SDCCAG8: variants seen among roughly 807,000 people sequenced by gnomAD.
SDCCAG8 encodes the protein SHH signaling and ciliogenesis regulator SDCCAG8.
A neutral mutation model predicts 101.8 loss-of-function variants in SDCCAG8; 74 were observed. That is an observed-to-expected ratio of 0.73 (90% CI 0.60 to 0.88). The LOEUF is 0.88. SDCCAG8 is among the 40% of genes least tolerant of loss of function. The pLI, the probability that SDCCAG8 is intolerant of heterozygous loss-of-function variation, is 0.00. For missense variants in SDCCAG8, 787 were observed against 822.6 expected (o/e 0.96, Z 0.53); for synonymous variants, 281 against 292.9 (o/e 0.96, Z 0.41).
chr1:243,483,356 A>G (rs1252710789), intron 16 of SDCCAG8, among the ~76,000 whole-genome samples: 2 of 151,956 alleles, frequency 1.3e-5, no homozygotes, highest in Non-Finnish European at 2.9e-5. Context: ...GGTGCCCTCT[A>G]CGTGGGGGAT....
chr1:243,369,365 G>A (rs999825915), intron 12 of SDCCAG8, among the ~76,000 whole-genome samples: 4 of 152,120 alleles, frequency 2.6e-5, no homozygotes, highest in Non-Finnish European at 4.4e-5. Context: ...TACTGTGACC[G>A]ACCAAGGGCT....
At chr1:243,448,471 G>T (rs1004772288) in intron 16 of SDCCAG8, among the ~76,000 whole-genome samples, 3 of 152,120 alleles carry the variant, frequency 2.0e-5, no homozygotes, top group Non-Finnish European at 4.4e-5. Flanking sequence ...TCTAACAATG[G>T]TAACAGGGGC....
chr1:243,440,196 G>C (rs947491766), intron 16 of SDCCAG8, among the ~76,000 whole-genome samples: 1 of 152,078 alleles, frequency 6.6e-6, no homozygotes, highest in Admixed American at 6.5e-5. Context: ...GGGTTATGAG[G>C]CTTAAATGAG....
At chr1:243,388,790 C>G (rs189514376) in intron 13 of SDCCAG8, among the ~76,000 whole-genome samples, 12 of 151,768 alleles carry the variant, frequency 7.9e-5, no homozygotes, top group African/African-American at 2.2e-4. Context: ...GTGGTGCGCG[C>G]CTGGGTCCTG....
Position 243,341,136 on chromosome 1 carries a change from A to G in SDCCAG8, c.1319A>G (p.Gln440Arg). ...ISAINQLEEI[Q>R]SQLASREMDV... The stretch of plus-strand genomic sequence containing the variant: ...GCTATTAATCAACTGGAGGAAATTC[A>G]AAGCCAGCTGGCTTCTCGGGAAATG... Residue 440 changes from glutamine to arginine, a missense_variant, in exon 11 of 18, where the codon CAA (glutamine) becomes CGA (arginine). Physicochemically the swap from Gln to Arg is conservative, Grantham distance 43. Coordinates refer to ENST00000366541, the MANE Select transcript of SDCCAG8 (RefSeq NM_006642.5). 1 of 1,614,170 alleles carries G rather than the reference A, an allele frequency of 6.2e-7. No individual in the cohort carries two copies. Among genetic ancestry groups the G allele is most frequent in the Non-Finnish European group, 8.5e-7 (1 of 1,179,980 alleles).
At chr1:243,498,900 A>G (rs1424301178) in intron 17 of SDCCAG8, among the ~76,000 whole-genome samples, 2 of 152,244 alleles carry the variant, frequency 1.3e-5, no homozygotes, top group Non-Finnish European at 2.9e-5. Flanking sequence ...TCTGACGTAG[A>G]AACCGGGATT....
chr1:243,316,979 C>T, intron 9 of SDCCAG8, 86 bp downstream of exon 9: 1 of 1,379,536 alleles, frequency 7.2e-7, no homozygotes, highest in East Asian at 2.4e-5. Context: ...TCTTCTATAA[C>T]TAAACTTTGT....
At chr1:243,315,273 A>G (rs961311431) in intron 8 of SDCCAG8, among the ~76,000 whole-genome samples, 2 of 152,224 alleles carry the variant, frequency 1.3e-5, no homozygotes, top group African/African-American at 4.8e-5. Flanking sequence ...ATGGAAATGC[A>G]AATAGACACA....
At chr1:243,456,122 A>G (rs1265789023) in intron 16 of SDCCAG8, among the ~76,000 whole-genome samples, 1 of 151,880 alleles carries the variant, frequency 6.6e-6, no homozygotes, top group Admixed American at 6.6e-5. Flanking sequence ...CTCCTTATTC[A>G]TCGAATGAAC....
At chr1:243,324,677 A>C (rs147427285) in intron 9 of SDCCAG8, among the ~76,000 whole-genome samples, 231 of 152,110 alleles carry the variant, frequency 1.5e-3, no homozygotes, top group Admixed American at 3.1e-3. Context: ...ATAGCTTTCT[A>C]ATTGGTTTCC....
chr1:243,274,838 G>C (rs932506710), intron 4 of SDCCAG8, among the ~76,000 whole-genome samples, 182 bp downstream of exon 4: 5 of 152,160 alleles, frequency 3.3e-5, no homozygotes, highest in Non-Finnish European at 7.3e-5. Flanking sequence ...TGATGCTCTT[G>C]ACCATACCAT....
intron 17 of SDCCAG8, among the ~76,000 whole-genome samples, chr1:243,495,494 T>C (rs1374065653): frequency 1.3e-5 from 2 of 152,160 alleles, no homozygotes; most frequent in African/African-American, 4.8e-5. Context: ...GAGGGAAGAA[T>C]GGCCGCTGCC....
chr1:243,318,457 A>C, intron 9 of SDCCAG8: 2 of 518,404 alleles, frequency 3.9e-6, no homozygotes, highest in Non-Finnish European at 5.0e-6. Context: ...ACCCCGTGAC[A>C]TGAGTTTGCC....
intron 9 of SDCCAG8, among the ~76,000 whole-genome samples, chr1:243,325,247 CTG>C (rs1038679415): frequency 1.3e-5 from 2 of 152,066 alleles, no homozygotes; most frequent in African/African-American, 2.4e-5. Flanking sequence ...AATTTAATAA[CTG>C]AGAGCAAGCA....
rs575915804 is a variant in SDCCAG8 at position 243,458,223 on chromosome 1, C to T, written c.1986-30791C>T. Among the ~76,000 whole-genome samples the T allele has an allele frequency of 5.3e-5, 8 of 152,296 alleles. No homozygotes were observed. The South Asian group carries it at 1.5e-3, about 28-fold the overall frequency. On this transcript the variant is annotated intron_variant, in intron 16 of 17. Transcript: ENST00000366541. This position sits in a 1 kb window ranked among gnomAD's most constrained non-coding sequence, Gnocchi z 4.5. ...TCAACCATCCTTTAGCCTCCCTGGCCAGGGACCCTGGCCTCTGCTTTTGTG... is the reference window on the plus strand; with the variant it reads ...TCAACCATCCTTTAGCCTCCCTGGCTAGGGACCCTGGCCTCTGCTTTTGTG...
chr1:243,405,356 A>G (rs538210183), intron 13 of SDCCAG8, among the ~76,000 whole-genome samples: 1 of 152,230 alleles, frequency 6.6e-6, no homozygotes, highest in South Asian at 2.1e-4. Flanking sequence ...ATAAAAAAAC[A>G]TGGCAGCAAA....
chr1:243,371,969 T>A (rs1394719179), intron 12 of SDCCAG8, among the ~76,000 whole-genome samples: 1 of 152,090 alleles, frequency 6.6e-6, no homozygotes, highest in East Asian at 1.9e-4. Context: ...AGTGCAGCTC[T>A]AGACAAAAAT....
chr1:243,352,325 C>G (rs1468755970), intron 12 of SDCCAG8, among the ~76,000 whole-genome samples: 11 of 152,164 alleles, frequency 7.2e-5, no homozygotes, highest in Admixed American at 7.2e-4. Context: ...AAACTGGACT[C>G]TAAGAATATT....
chr1:243,311,419 T>C (rs1041092922), intron 8 of SDCCAG8, among the ~76,000 whole-genome samples: 15 of 152,132 alleles, frequency 9.9e-5, no homozygotes, highest in Non-Finnish European at 1.8e-4. Context: ...TATTTGAAAG[T>C]GTAAACACTA....
Sources: allele counts gnomAD v4.1 joint callset (sites outside exome capture counted in the v4.1 genomes callset), GRCh38; gene constraint gnomAD v4.1.1; non-coding constraint Gnocchi (gnomAD v3.1); transcripts MANE v1.5; gene names NCBI Gene and HGNC (gene_info 2026-07-23, HGNC 2026-07-21).